The following ACO2 variants were observed in gnomAD, a reference collection of about 807,000 sequenced individuals.
The protein encoded by ACO2 is aconitase 2, also known as aconitate hydratase, mitochondrial.
Under a neutral mutation model 84.5 loss-of-function variants are expected in ACO2, and 31 were observed. That is an observed-to-expected ratio of 0.37 (90% CI 0.28 to 0.50). The LOEUF (loss-of-function observed/expected upper bound fraction) is 0.50. Among genes scored for constraint, ACO2 ranks in the 20% least tolerant of loss-of-function variants. The pLI is 0.97. For synonymous variants in ACO2, 414 were observed against 412.7 expected, an observed-to-expected ratio of 1.00 and a Z score of -0.04; for missense variants, 685 against 1,029.3, an observed-to-expected ratio of 0.67 and a Z score of 4.58.
intron 1 of ACO2, among the ~76,000 whole-genome samples, chr22:41,489,792 A>G (rs191797977): frequency 9.9e-5 from 15 of 151,610 alleles, no homozygotes; most frequent in Admixed American, 9.9e-4. Context: ...AGATCCTGCT[A>G]TTGTAAAGGT....
At chr22:41,524,298 T>C (rs185613377) in intron 12 of ACO2, among the ~76,000 whole-genome samples, 3 of 152,314 alleles carry the variant, frequency 2.0e-5, no homozygotes, top group African/African-American at 7.2e-5. Context: ...GTGGGACACA[T>C]GCAGTTTCCA....
chr22:41,527,071 A>C lies in ACO2; in HGVS notation c.1954-217A>C, dbSNP rs187304570. 525 of 645,182 alleles carry C rather than the reference A, an allele frequency of 8.1e-4. 6 individuals are homozygous for C. In the African/African-American group the frequency reaches 8.3e-3, roughly 10 times the overall value. 40.0% of individuals were successfully genotyped at this position (645,182 alleles called of 1,614,324 possible). A position where few individuals can be genotyped will look rare whatever the true frequency, so the allele number is the denominator to read the frequency against. ...TTCTGTCTTCTTTGCCACTGCAAAC[A>C]ACCACGTGCCTCTGTCCCCTCGGGG... On this transcript the variant is annotated intron_variant, in intron 15 of 17. Coordinates refer to ENST00000216254, the MANE Select transcript of ACO2 (RefSeq NM_001098.3).
chr22:41,518,760 C>A (rs2066495752), intron 8 of ACO2, among the ~76,000 whole-genome samples, 188 bp downstream of exon 8: 1 of 150,768 alleles, frequency 6.6e-6, no homozygotes, highest in Non-Finnish European at 1.5e-5. Flanking sequence ...ATAGTGAAAC[C>A]CCGTCTCTAC....
chr22:41,473,446 G>A (rs2037969939), intron 1 of ACO2, among the ~76,000 whole-genome samples: 1 of 152,232 alleles, frequency 6.6e-6, no homozygotes, highest in Non-Finnish European at 1.5e-5. Context: ...GGAGGTTGCA[G>A]TGAACCGAGA....
chr22:41,511,802 T>A, intron 3 of ACO2, 74 bp from the exon 4 acceptor site: 1 of 1,061,802 alleles, frequency 9.4e-7, no homozygotes. Context: ...GCTGATGGGG[T>A]GGGGAGGGCT....
chr22:41,512,477 C>T (rs1468357473), intron 4 of ACO2, among the ~76,000 whole-genome samples: 1 of 152,172 alleles, frequency 6.6e-6, no homozygotes, highest in Non-Finnish European at 1.5e-5. Context: ...AGATGTTAAC[C>T]TTCTTGCCCA....
chr22:41,494,759 AGTCTCACTC>A (rs2066301069), intron 1 of ACO2, among the ~76,000 whole-genome samples: 1 of 144,230 alleles, frequency 6.9e-6, no homozygotes, highest in African/African-American at 2.6e-5. Flanking sequence ...TTTGAGACAG[AGTCTCACTC>A]TGTCACCCAG....
At chr22:41,507,533 C>T (rs1376202837) in intron 2 of ACO2, among the ~76,000 whole-genome samples, 2 of 152,210 alleles carry the variant, frequency 1.3e-5, no homozygotes, top group Non-Finnish European at 2.9e-5. Context: ...CAGCGCTGCC[C>T]TCTTGTGATG....
chr22:41,482,340 C>T (rs1045419238), intron 1 of ACO2, among the ~76,000 whole-genome samples: 26 of 152,246 alleles, frequency 1.7e-4, no homozygotes, highest in African/African-American at 6.3e-4. Context: ...GAGAAAGTCT[C>T]GGCCTCTGCA....
chr22:41,507,719 G>A (rs2146115520), intron 2 of ACO2, 72 bp from the exon 3 acceptor site: 1 of 1,556,260 alleles, frequency 6.4e-7, no homozygotes, highest in East Asian at 2.3e-5. Context: ...CACATGGACT[G>A]AGAGGGAGAG....
chr22:41,528,169 G>A (rs748386529), intron 17 of ACO2, 147 bp downstream of exon 17: 11 of 1,282,474 alleles, frequency 8.6e-6, no homozygotes, highest in Admixed American at 2.3e-5. Context: ...CACAGAGAAA[G>A]CAAAGTGGCT....
intron 4 of ACO2, among the ~76,000 whole-genome samples, chr22:41,514,255 C>T (rs905746634): frequency 1.3e-5 from 2 of 152,174 alleles, no homozygotes; most frequent in Non-Finnish European, 2.9e-5. Context: ...CTCATGTGTT[C>T]TTCCCCACAT....
intron 1 of ACO2, among the ~76,000 whole-genome samples, chr22:41,473,360 C>T (rs914692462): frequency 6.6e-6 from 1 of 151,982 alleles, no homozygotes; most frequent in Admixed American, 6.6e-5. Context: ...CAAAATAAGC[C>T]GGGTGTGGTG....
chr22:41,487,056 G>T (rs1443539986), intron 1 of ACO2, among the ~76,000 whole-genome samples: 2 of 151,888 alleles, frequency 1.3e-5, no homozygotes, highest in Non-Finnish European at 2.9e-5. Context: ...GCTAATTTTT[G>T]TATTTTTGAT....
chr22:41,506,408 A>G (rs567582622), intron 2 of ACO2, among the ~76,000 whole-genome samples: 171 of 151,920 alleles, frequency 1.1e-3, no homozygotes, highest in Non-Finnish European at 2.0e-3. Flanking sequence ...GCCCGCCACC[A>G]CGCCTGGCTA....
chr22:41,503,930 C>T (rs1569011703), intron 2 of ACO2, among the ~76,000 whole-genome samples: 1 of 152,148 alleles, frequency 6.6e-6, no homozygotes, highest in Non-Finnish European at 1.5e-5. Context: ...GAATTATATT[C>T]TAGCCGGGTA....
intron 17 of ACO2, 139 bp from the exon 18 acceptor site, chr22:41,528,340 A>T (rs2066647374): frequency 8.0e-7 from 1 of 1,255,806 alleles, no homozygotes; most frequent in Non-Finnish European, 1.1e-6. Context: ...CTGGGCCATC[A>T]GGCACAGACT....
intron 12 of ACO2, among the ~76,000 whole-genome samples, chr22:41,524,518 G>A (rs2066559941): frequency 6.6e-6 from 1 of 152,216 alleles, no homozygotes; most frequent in Non-Finnish European, 1.5e-5. Flanking sequence ...CCTGCGCACT[G>A]AGCAGGTTTG....
chr22:41,506,316 T>G (rs963806209), intron 2 of ACO2, among the ~76,000 whole-genome samples: 1 of 151,864 alleles, frequency 6.6e-6, no homozygotes, highest in Non-Finnish European at 1.5e-5. Flanking sequence ...GCAGTGGCGC[T>G]ATCTCAGCTC....
Sources: gnomAD v4.1 joint callset for allele counts (sites outside exome capture counted in the v4.1 genomes callset) on GRCh38, gnomAD v4.1.1 for gene constraint, MANE v1.5 for transcripts, NCBI Gene and HGNC (gene_info 2026-07-23, HGNC 2026-07-21) for gene names.